The following TERF2 variants were observed in gnomAD, a reference collection of about 807,000 sequenced individuals.
TERF2 encodes the protein telomeric repeat-binding factor 2.
TERF2 carries 16 observed loss-of-function variants against 56.1 expected under a neutral mutation model. That is an observed-to-expected ratio of 0.29 (90% CI 0.19 to 0.43). The LOEUF is 0.43. Among genes scored for constraint, TERF2 ranks in the 20% least tolerant of loss-of-function variants. TERF2 has a pLI of 1.00. For missense variants in TERF2, 547 were observed against 712.9 expected (o/e 0.77, Z 2.65); for synonymous variants, 296 against 282.1 (o/e 1.05, Z -0.50).
chr16:69,360,399 A>G (rs1043271662), intron 8 of TERF2, among the ~76,000 whole-genome samples: 1 of 151,930 alleles, frequency 6.6e-6, no homozygotes, highest in African/African-American at 2.4e-5. Context: ...AAAAAAAAGA[A>G]AAAAAGAAAA....
At chr16:69,369,253 A>G (rs903281840) in intron 5 of TERF2, among the ~76,000 whole-genome samples, 2 of 152,122 alleles carry the variant, frequency 1.3e-5, no homozygotes, top group African/African-American at 4.8e-5. Context: ...AGATTTGCCA[A>G]ACGACTGCTA....
In TERF2 at chr16:69,372,303, A is replaced by G; in HGVS notation, c.659T>C (p.Leu220Ser). The change falls in exon 4 of 10, where the codon TTG becomes TCG. Residue 220 changes from leucine to serine, a missense_variant. Leu to Ser is a moderately radical substitution (Grantham distance 145). Coordinates refer to ENST00000254942, the MANE Select transcript of TERF2 (RefSeq NM_005652.5). ...GGGGTCCTTGGACATATGTTTTTTC[A>G]AAATTTTTGAAGCCTTTTCAAATTC... Reference protein sequence around the residue: ...NKEFEKASKILKKHMSKDPTT... With the variant: ...NKEFEKASKISKKHMSKDPTT... 6.2e-7 allele frequency: 1 copy of G among 1,611,414 alleles called. No individual in the cohort carries two copies. Among genetic ancestry groups the G allele is most frequent in the Non-Finnish European group, 8.5e-7 (1 of 1,179,108 alleles).
chr16:69,360,532 T>C (rs895510667), intron 8 of TERF2, among the ~76,000 whole-genome samples: 2 of 151,812 alleles, frequency 1.3e-5, no homozygotes, highest in Admixed American at 1.3e-4. Context: ...GGTGAAACCC[T>C]GGCTCTACTA....
At chr16:69,364,274 C>T (rs1211680394) in intron 7 of TERF2, among the ~76,000 whole-genome samples, 1 of 152,144 alleles carries the variant, frequency 6.6e-6, no homozygotes, top group African/African-American at 2.4e-5. Context: ...TCCCTGCTCC[C>T]TGGCAGCGGT....
intron 7 of TERF2, among the ~76,000 whole-genome samples, chr16:69,364,767 C>G (rs759913709): frequency 3.9e-5 from 6 of 152,198 alleles, no homozygotes; most frequent in Non-Finnish European, 8.8e-5. Flanking sequence ...TAAAACCTTG[C>G]TGAATAGGCT....
rs148108941 is a variant in TERF2 at position 69,360,241 on chromosome 16, C to T, written c.1426+1163G>A. Reference sequence around the variant, plus strand: ...GACTACTAAAAATACAAAAATTAGCCGGGCGTGGTGCGACACACCTGCAAT... The same window carrying T: ...GACTACTAAAAATACAAAAATTAGCTGGGCGTGGTGCGACACACCTGCAAT... On this transcript the variant is annotated intron_variant, in intron 8 of 9. Coordinates refer to ENST00000254942, the MANE Select transcript of TERF2 (RefSeq NM_005652.5). Among the ~76,000 whole-genome samples the T allele has an allele frequency of 5.0e-3, 758 of 151,782 alleles. 9 individuals carry two copies. The Middle Eastern group carries it at 0.075, about 15-fold the overall frequency.
At chr16:69,382,103 A>T (rs899239730) in intron 3 of TERF2, among the ~76,000 whole-genome samples, 1 of 152,216 alleles carries the variant, frequency 6.6e-6, no homozygotes, top group African/African-American at 2.4e-5. Context: ...AAAGTCAAAT[A>T]ATGTTTTGGT....
At position 69,367,230 on chromosome 16, in the gene TERF2, T is replaced by C. The variant is rs370222803; in HGVS notation, c.948-31A>G. The C allele has an allele frequency of 1.7e-4, 267 of 1,567,478 alleles. 2 individuals carry two copies. The highest frequency in any genetic ancestry group is 8.6e-4 in the Middle Eastern group (5 of 5,842). Reference sequence around the variant, plus strand: ...AATCAAGCATAGGCACAAAGATGTTTTTCACCACTGATGATGCTCATCCAA... The same window carrying C: ...AATCAAGCATAGGCACAAAGATGTTCTTCACCACTGATGATGCTCATCCAA... On this transcript the variant is annotated intron_variant, in intron 6 of 9. Coordinates refer to ENST00000254942, the MANE Select transcript of TERF2 (RefSeq NM_005652.5).
chr16:69,368,685 CA>C, intron 5 of TERF2: 2 of 1,366,540 alleles, frequency 1.5e-6, no homozygotes, highest in Non-Finnish European at 2.0e-6. Flanking sequence ...ATAACTAATA[CA>C]TTTTTTTTGA....
At chr16:69,384,808 C>G in intron 2 of TERF2, 98 bp from the exon 3 acceptor site, 1 of 1,118,054 alleles carries the variant, frequency 8.9e-7, no homozygotes, top group African/African-American at 1.6e-5. Context: ...ATGGAGCATG[C>G]AAATATGGTA....
At chr16:69,359,181 G>A (rs1287350954) in intron 8 of TERF2, among the ~76,000 whole-genome samples, 2 of 152,172 alleles carry the variant, frequency 1.3e-5, no homozygotes, top group Non-Finnish European at 2.9e-5. Context: ...CTATAGGTGT[G>A]TTTATATGTA....
rs557371645 is a variant in TERF2 at position 69,382,289 on chromosome 16, A to C, written c.606+2291T>G. Among the ~76,000 whole-genome samples, 22 of 152,384 alleles carry C rather than the reference A, an allele frequency of 1.4e-4. 1 individual carries two copies. Among genetic ancestry groups the C allele is most frequent in the African/African-American group, 5.3e-4 (22 of 41,590 alleles). ...TTGTTTTGGCACTTTACAAAGCTTA[A>C]ATGCATGAGCAAGGCTCACTGAACC... On this transcript the variant is annotated intron_variant, in intron 3 of 9. Coordinates refer to ENST00000254942, the MANE Select transcript of TERF2 (RefSeq NM_005652.5).
intron 7 of TERF2, chr16:69,366,474 A>C (rs2013347877): frequency 3.5e-6 from 1 of 283,284 alleles, no homozygotes; most frequent in South Asian, 8.3e-5. Context: ...GGCCCAATGC[A>C]AACAAATTTC....
chr16:69,367,889 C>T (rs984710042), intron 6 of TERF2, among the ~76,000 whole-genome samples: 1 of 152,178 alleles, frequency 6.6e-6, no homozygotes. Context: ...TGGATACTCC[C>T]ACAGAGCAAC....
chr16:69,370,011 G>A (rs1243194035), intron 5 of TERF2, among the ~76,000 whole-genome samples: 3 of 152,124 alleles, frequency 2.0e-5, no homozygotes, highest in African/African-American at 7.2e-5. Context: ...GCCTCTGCCA[G>A]TATCTCTGCT....
intron 3 of TERF2, among the ~76,000 whole-genome samples, chr16:69,374,686 G>A (rs1597254394): frequency 7.6e-6 from 1 of 131,072 alleles, no homozygotes; most frequent in Non-Finnish European, 1.6e-5. Context: ...AAAAAAAAAG[G>A]GCCAGGCGCA....
At chr16:69,364,066 C>G (rs2013249180) in intron 7 of TERF2, among the ~76,000 whole-genome samples, 2 of 152,312 alleles carry the variant, frequency 1.3e-5, no homozygotes, top group South Asian at 4.1e-4. Flanking sequence ...AAATGTTACC[C>G]TCTGCTGGCT....
intron 3 of TERF2, among the ~76,000 whole-genome samples, chr16:69,375,352 T>C (rs1011592955): frequency 2.0e-5 from 3 of 152,334 alleles, no homozygotes; most frequent in Admixed American, 6.5e-5. Context: ...TCATCCCGCA[T>C]TCCCATCAGC....
chr16:69,376,609 G>C (rs145515307), intron 3 of TERF2, among the ~76,000 whole-genome samples: 37 of 151,490 alleles, frequency 2.4e-4, no homozygotes, highest in African/African-American at 8.5e-4. Flanking sequence ...ACTTTGGAAG[G>C]TTGAGGTGGG....
Sources: allele counts gnomAD v4.1 joint callset (sites outside exome capture counted in the v4.1 genomes callset), GRCh38; gene constraint gnomAD v4.1.1; transcripts MANE v1.5; gene names NCBI Gene and HGNC (gene_info 2026-07-23, HGNC 2026-07-21).